The following NSF variants were observed in gnomAD, a reference collection of about 807,000 sequenced individuals.
NSF encodes vesicle-fusing ATPase.
Under a neutral mutation model 50.3 loss-of-function variants are expected in NSF, and 14 were observed. That is an observed-to-expected ratio of 0.28 (90% CI 0.18 to 0.44). The LOEUF (loss-of-function observed/expected upper bound fraction) is 0.44. NSF is among the 20% of genes least tolerant of loss of function. The pLI is 1.00. For synonymous variants in NSF, 109 were observed against 175.7 expected, an observed-to-expected ratio of 0.62 and a Z score of 3.00; for missense variants, 218 against 504.3, an observed-to-expected ratio of 0.43 and a Z score of 5.44.
intron 17 of NSF, among the ~76,000 whole-genome samples, chr17:46,746,115 A>G (rs2059124990): frequency 6.6e-6 from 1 of 152,152 alleles, no homozygotes; most frequent in Non-Finnish European, 1.5e-5. Context: ...TCTATTTTGC[A>G]TCTGTCTTTC....
chr17:46,743,267 C>T (rs773027144), intron 17 of NSF, among the ~76,000 whole-genome samples: 3 of 152,130 alleles, frequency 2.0e-5, no homozygotes, highest in Non-Finnish European at 2.9e-5. Flanking sequence ...TCAGGCATCC[C>T]GTCCCTCACC....
intron 17 of NSF, 77 bp from the exon 18 acceptor site, chr17:46,749,696 A>G (rs1401109703): frequency 1.5e-6 from 2 of 1,343,820 alleles, no homozygotes; most frequent in Non-Finnish European, 2.0e-6. Context: ...GTCTTTTGCA[A>G]ATTGTGTTCA....
At chr17:46,726,788 A>T (rs2058893957) in intron 16 of NSF, among the ~76,000 whole-genome samples, 173 bp downstream of exon 16, 1 of 152,222 alleles carries the variant, frequency 6.6e-6, no homozygotes, top group South Asian at 2.1e-4. Flanking sequence ...CAATGATAGT[A>T]TTCATTTTAA....
chr17:46,747,796 C>T (rs1288615250), intron 17 of NSF, among the ~76,000 whole-genome samples: 2 of 152,076 alleles, frequency 1.3e-5, no homozygotes, highest in African/African-American at 4.8e-5. Flanking sequence ...CAGTATCCAA[C>T]TAAGAGGTTC....
chr17:46,728,007 T>A (rs565394899), intron 16 of NSF, among the ~76,000 whole-genome samples: 19 of 152,232 alleles, frequency 1.2e-4, no homozygotes, highest in Admixed American at 4.6e-4. Context: ...TTTTTTTTTT[T>A]ATTTTTATTT....
intron 19 of NSF, among the ~76,000 whole-genome samples, chr17:46,753,939 G>C (rs1371829166): frequency 6.6e-6 from 1 of 152,186 alleles, no homozygotes; most frequent in Non-Finnish European, 1.5e-5. Flanking sequence ...ATGCTATTCT[G>C]TTAAAACTTG....
chr17:46,710,668 TA>T (rs1168621125), intron 13 of NSF, among the ~76,000 whole-genome samples: 1 of 152,192 alleles, frequency 6.6e-6, no homozygotes. Flanking sequence ...TTGATAAAAA[TA>T]AGCACATTGG....
At chr17:46,737,572 C>CGTGTGTGTGT (rs10564190) in intron 17 of NSF, among the ~76,000 whole-genome samples, 1 of 147,172 alleles carries the variant, frequency 6.8e-6, no homozygotes, top group African/African-American at 2.6e-5. Context: ...GGTGTGTGTG[C>CGTGTGTGTGT]GTGTGTGTGT....
intron 17 of NSF, among the ~76,000 whole-genome samples, chr17:46,744,442 G>C (rs908693414): frequency 2.0e-5 from 3 of 152,042 alleles, no homozygotes; most frequent in Admixed American, 2.0e-4. Flanking sequence ...TCCATTTCAG[G>C]GTTTTCAATT....
In NSF at chr17:46,735,466, T is replaced by TA. The variant is rs775711064; in HGVS notation, c.1908+6546dup. Among the ~76,000 whole-genome samples, 663 of 141,730 alleles carry TA rather than the reference T, an allele frequency of 4.7e-3. 5 individuals are homozygous for TA. The highest frequency in any genetic ancestry group is 0.015 in the East Asian group (75 of 4,948). The allele number at this position is 141,730 out of a possible 152,430, so 93.0% of individuals were successfully genotyped here. On this transcript the variant is annotated intron_variant, in intron 17 of 20. Coordinates refer to ENST00000398238, the MANE Select transcript of NSF (RefSeq NM_006178.4). ...TACTCTTTGTATTGAACTTGAGGTT[T>TA]AAAAAAAAAAAAAAGAAACCTATGT...
Position 46,749,760 on chromosome 17 carries a change from T to C in NSF, c.1909-13T>C. On this transcript the variant is annotated splice_polypyrimidine_tract_variant and intron_variant, in intron 17 of 20. Coordinates refer to ENST00000398238, the MANE Select transcript of NSF (RefSeq NM_006178.4). Reference sequence around the variant, plus strand: ...ATTATGTACATTTTAACACATTTTCTCCCTATGATCAGGGCCGCAAGCTTC... The same window carrying C: ...ATTATGTACATTTTAACACATTTTCCCCCTATGATCAGGGCCGCAAGCTTC... 6.2e-7 allele frequency: 1 copy of C among 1,608,406 alleles called. No individual in the cohort carries two copies. Among genetic ancestry groups the C allele is most frequent in the Non-Finnish European group, 8.5e-7 (1 of 1,176,400 alleles).
intron 19 of NSF, among the ~76,000 whole-genome samples, chr17:46,753,409 T>C (rs1598742295): frequency 6.6e-6 from 1 of 152,374 alleles, no homozygotes; most frequent in East Asian, 1.9e-4. Context: ...TCTAATTTAA[T>C]CTACTGAGCT....
chr17:46,737,365 A>G (rs2059016040), intron 17 of NSF, among the ~76,000 whole-genome samples: 1 of 152,148 alleles, frequency 6.6e-6, no homozygotes, highest in Non-Finnish European at 1.5e-5. Flanking sequence ...TTTCAGAAAA[A>G]CATCACATAA....
intron 17 of NSF, among the ~76,000 whole-genome samples, chr17:46,731,757 C>T (rs2058951236): frequency 6.6e-6 from 1 of 152,174 alleles, no homozygotes; most frequent in Non-Finnish European, 1.5e-5. Context: ...GAAGGGAATA[C>T]CATCTGGTCA....
intron 17 of NSF, among the ~76,000 whole-genome samples, chr17:46,741,407 T>C (rs1455353304): frequency 6.6e-6 from 1 of 152,212 alleles, no homozygotes; most frequent in Non-Finnish European, 1.5e-5. Flanking sequence ...GTATCATGAA[T>C]TCCCCCCCTT....
At chr17:46,720,810 T>G (rs192657374) in intron 15 of NSF, among the ~76,000 whole-genome samples, 16 of 152,234 alleles carry the variant, frequency 1.1e-4, no homozygotes, top group African/African-American at 3.6e-4. Flanking sequence ...AACCAGAGTG[T>G]TTGGCTTTGC....
intron 17 of NSF, among the ~76,000 whole-genome samples, chr17:46,743,853 AGT>A (rs1038470466): frequency 1.3e-5 from 2 of 152,014 alleles, no homozygotes; most frequent in Non-Finnish European, 2.9e-5. Flanking sequence ...TATTTCCCTT[AGT>A]TTAGCATCCC....
chr17:46,622,384 G>C (rs2058075047), intron 1 of NSF, among the ~76,000 whole-genome samples: 1 of 150,464 alleles, frequency 6.6e-6, no homozygotes, highest in Non-Finnish European at 1.5e-5. Context: ...CGTGAACCCG[G>C]GAGGCGGAGC....
chr17:46,622,253 C>T (rs1327294735), intron 1 of NSF, among the ~76,000 whole-genome samples: 1 of 143,872 alleles, frequency 7.0e-6, no homozygotes, highest in African/African-American at 2.7e-5. Context: ...GTCAGGAGAT[C>T]GAGACCAGCC....
Sources: allele counts gnomAD v4.1 joint callset (sites outside exome capture counted in the v4.1 genomes callset), GRCh38; gene constraint gnomAD v4.1.1; transcripts MANE v1.5; gene names NCBI Gene and HGNC (gene_info 2026-07-23, HGNC 2026-07-21).